Variants in NME8 observed in about 807,000 individuals in gnomAD.
The protein encoded by NME8 is NME/NM23 family member 8, also known as protein NME8.
Under a neutral mutation model 82.3 loss-of-function variants are expected in NME8, and 72 were observed. The ratio of observed to expected loss-of-function variants is 0.87; its 90% CI spans 0.72 to 1.06. The LOEUF is 1.06. Ranked by LOEUF, NME8 falls within the 50% of genes least tolerant of loss-of-function variation. The pLI, the probability that NME8 is intolerant of heterozygous loss-of-function variation, is 0.00. For missense variants in NME8, 712 were observed against 685.4 expected, an observed-to-expected ratio of 1.04 and a Z score of -0.43; for synonymous variants, 267 against 228.5, an observed-to-expected ratio of 1.17 and a Z score of -1.52.
chr7:37,887,176 A>G (rs920139944), intron 14 of NME8, among the ~76,000 whole-genome samples: 2 of 152,208 alleles, frequency 1.3e-5, no homozygotes, highest in African/African-American at 4.8e-5. Flanking sequence ...GATTCAAGAG[A>G]TGCATGCTTA....
intron 11 of NME8, 78 bp downstream of exon 11, chr7:37,867,976 C>G: frequency 6.8e-6 from 8 of 1,178,860 alleles, no homozygotes; most frequent in Non-Finnish European, 1.0e-5. Context: ...ACCTCAGTAC[C>G]TAAGGGCAAA....
At chr7:37,866,693 T>C (rs77906978) in intron 10 of NME8, among the ~76,000 whole-genome samples, 7,346 of 152,272 alleles carry the variant, frequency 0.048, 502 homozygotes, top group African/African-American at 0.14. Context: ...TTGTTAAAGA[T>C]GTGAACCAAA....
At chr7:37,856,376 G>A (rs568006925) in intron 5 of NME8, among the ~76,000 whole-genome samples, 1 of 152,278 alleles carries the variant, frequency 6.6e-6, no homozygotes, top group African/African-American at 2.4e-5. Flanking sequence ...CATTAGTGGA[G>A]AAGAGGGCCT....
intron 11 of NME8, among the ~76,000 whole-genome samples, chr7:37,870,548 C>T (rs1347246543): frequency 6.7e-6 from 1 of 148,706 alleles, no homozygotes; most frequent in African/African-American, 2.5e-5. Context: ...AAGATCGAGC[C>T]ACTGCACTCC....
intron 2 of NME8, among the ~76,000 whole-genome samples, chr7:37,849,392 C>T (rs1784405991): frequency 6.6e-6 from 1 of 152,124 alleles, no homozygotes; most frequent in African/African-American, 2.4e-5. Flanking sequence ...AACCAGACGA[C>T]GTGTAACTCC....
chr7:37,891,179 A>G (rs1785123960), intron 15 of NME8, among the ~76,000 whole-genome samples: 4 of 151,722 alleles, frequency 2.6e-5, no homozygotes, highest in Admixed American at 2.6e-4. Flanking sequence ...CTGTATATTA[A>G]CCTTTTGTCA....
At chr7:37,888,823 T>C (rs1785083147) in intron 15 of NME8, among the ~76,000 whole-genome samples, 1 of 152,150 alleles carries the variant, frequency 6.6e-6, no homozygotes, top group Non-Finnish European at 1.5e-5. Flanking sequence ...GATGCATTTT[T>C]AGATACGCTA....
chr7:37,877,343 A>C (rs979065094), intron 12 of NME8, among the ~76,000 whole-genome samples: 2 of 152,176 alleles, frequency 1.3e-5, no homozygotes, highest in East Asian at 3.9e-4. Flanking sequence ...TGAACAAGAT[A>C]TTTTACCAAG....
At chr7:37,849,886 AAAAAG>A (rs1473112546) in intron 2 of NME8, among the ~76,000 whole-genome samples, 1 of 150,162 alleles carries the variant, frequency 6.7e-6, no homozygotes, top group African/African-American at 2.5e-5. Context: ...AAAAAAAAAA[AAAAAG>A]AACAATGAAT....
intron 12 of NME8, among the ~76,000 whole-genome samples, chr7:37,880,093 T>C (rs970553825): frequency 6.6e-6 from 1 of 152,176 alleles, no homozygotes; most frequent in South Asian, 2.1e-4. Context: ...TTTTGTTTGT[T>C]TATTTTGAAT....
In NME8 at chr7:37,888,302, A is replaced by G; in HGVS notation, c.1273A>G (p.Ser425Gly). ...ESLCAQFAMD[S>G]LPVNQLYGSD... Reference sequence around the variant, plus strand: ...TTTATGTGCACAGTTTGCGATGGACAGTTTGCCGGTCAACCAGTTGTATGG... The same window carrying G: ...TTTATGTGCACAGTTTGCGATGGACGGTTTGCCGGTCAACCAGTTGTATGG... Residue 425 changes from serine (S) to glycine (G), a missense_variant, in exon 15 of 18, where the codon AGT (serine) becomes GGT (glycine). Ser to Gly is a moderately conservative substitution (Grantham distance 56). Transcript: ENST00000199447. 1 of 1,613,668 alleles carries G rather than the reference A, an allele frequency of 6.2e-7. No individual in the cohort carries two copies. Among genetic ancestry groups the G allele is most frequent in the South Asian group, 1.1e-5 (1 of 91,078 alleles).
rs759117674 is a variant in NME8 at position 37,867,899 on chromosome 7, G to GT, written c.818+2dup. 1 of 1,613,032 alleles carries GT rather than the reference G, an allele frequency of 6.2e-7. No individual in the cohort carries two copies. The highest frequency in any genetic ancestry group is 1.1e-5 in the South Asian group (1 of 91,020). On this transcript the variant is annotated splice_donor_variant, in intron 11 of 17. Transcript: ENST00000199447. LOFTEE classifies it high-confidence loss of function. ...GAATGATGAAGAACAAACAAGACAG[G>GT]TATAGCTCAAGACCAGGAATTGTGT...
In NME8 at chr7:37,864,496, CGTACCATTTAGA is replaced by C. The variant is rs1220344831; in HGVS notation, c.528+78_528+89del. 2.8e-6 allele frequency: 4 copies of C among 1,409,692 alleles called. No individual in the cohort carries two copies. In the African/African-American group the frequency reaches 5.6e-5, roughly 20 times the overall value. 87.3% of individuals were successfully genotyped at this position (1,409,692 alleles called of 1,614,324 possible). On this transcript the variant is annotated intron_variant, in intron 9 of 17. Transcript: ENST00000199447. ...TCTTAATCGTCAGTTCAAAGACAAG[CGTACCATTTAGA>C]GTGAAATAGAACAAAATGCACTACT... is the stretch of plus-strand genomic sequence containing the variant.
chr7:37,872,120 C>A lies in NME8; in HGVS notation c.818+4222C>A, dbSNP rs1047437508. On this transcript the variant is annotated intron_variant, in intron 11 of 17. Coordinates refer to ENST00000199447, the MANE Select transcript of NME8 (RefSeq NM_016616.5). ...CAAGGACCTGCAGACAACCACAGAC[C>A]CTGAGAATAACAGACTTGTGGACTT... Among the ~76,000 whole-genome samples the A allele has an allele frequency of 4.6e-5, 7 of 151,516 alleles. No individual in the cohort carries two copies. In the South Asian group the frequency reaches 8.4e-4, roughly 18 times the overall value.
chr7:37,890,766 A>G (rs1291567418), intron 15 of NME8, among the ~76,000 whole-genome samples: 1 of 151,986 alleles, frequency 6.6e-6, no homozygotes, highest in African/African-American at 2.4e-5. Flanking sequence ...ATTACTTTTT[A>G]TAGCTGAATA....
Position 37,853,281 on chromosome 7 carries a change from T to C in NME8, c.198+2546T>C, listed in dbSNP as rs1386888561. 6.6e-5 allele frequency among the ~76,000 whole-genome samples: 10 copies of C among 152,298 alleles called. No homozygotes were observed. In the East Asian group the frequency reaches 1.9e-3, roughly 29 times the overall value. ...TTTATCCCAGTCTGTGGCTGGTTTT[T>C]TCATTCTCTTGTCATTGTAGTTTTT... is the stretch of plus-strand genomic sequence containing the variant. On this transcript the variant is annotated intron_variant, in intron 5 of 17. Transcript: ENST00000199447.
Position 37,867,734 on chromosome 7 carries a change from A to T in NME8, c.654A>T (p.Thr218=), listed in dbSNP as rs1583632294. 3 of 1,613,418 alleles carry T rather than the reference A, an allele frequency of 1.9e-6. No individual in the cohort carries two copies. Among genetic ancestry groups the T allele is most frequent in the Non-Finnish European group, 2.5e-6 (3 of 1,179,532 alleles). Residue 218 remains threonine (T), a synonymous_variant, in exon 11 of 18, where the codon ACA becomes ACT. Transcript: ENST00000199447. Reference sequence around the variant, plus strand: ...TCGAAGAGTTTGTCTCTTTTATGACAAGTGGCTTAAGCTATATTCTAGTTG... The same window carrying T: ...TCGAAGAGTTTGTCTCTTTTATGACTAGTGGCTTAAGCTATATTCTAGTTG... The part of the protein sequence containing the change: ...CDFEEFVSFM[T]SGLSYILVVS...
At chr7:37,890,523 A>G (rs889014575) in intron 15 of NME8, among the ~76,000 whole-genome samples, 1 of 151,880 alleles carries the variant, frequency 6.6e-6, no homozygotes, top group African/African-American at 2.4e-5. Context: ...CCTACTATGC[A>G]TTAGAACACC....
At chr7:37,855,923 C>G (rs1218007688) in intron 5 of NME8, among the ~76,000 whole-genome samples, 1 of 151,242 alleles carries the variant, frequency 6.6e-6, no homozygotes, top group African/African-American at 2.4e-5. Flanking sequence ...AGCAATGGCT[C>G]AATGAACTTC....
Sources: allele counts gnomAD v4.1 joint callset (sites outside exome capture counted in the v4.1 genomes callset), GRCh38; gene constraint gnomAD v4.1.1; transcripts MANE v1.5; gene names NCBI Gene and HGNC (gene_info 2026-07-23, HGNC 2026-07-21).